Variants in RNF43 observed in about 807,000 individuals in gnomAD.
The protein encoded by RNF43 is ring finger protein 43, also known as E3 ubiquitin-protein ligase RNF43.
Under a neutral mutation model 78.4 loss-of-function variants are expected in RNF43, and 37 were observed. The observed-to-expected ratio is 0.47, with a 90% CI of 0.36 to 0.62. The LOEUF (loss-of-function observed/expected upper bound fraction) is 0.62. Ranked by LOEUF, RNF43 falls within the 20% of genes least tolerant of loss-of-function variation. The pLI is 0.00. For missense variants in RNF43, 774 were observed against 1,007.9 expected (o/e 0.77, Z 3.14); for synonymous variants, 347 against 395.0 (o/e 0.88, Z 1.44).
chr17:58,360,737 A>G lies in RNF43; in HGVS notation c.849+46T>C, dbSNP rs199830498. On this transcript the variant is annotated intron_variant, in intron 7 of 9. Coordinates refer to ENST00000407977, the MANE Select transcript of RNF43 (RefSeq NM_017763.6). This position sits in a 1 kb window ranked among gnomAD's most constrained non-coding sequence, Gnocchi z 4.3. ...CCTGCCCACCCCTCCCCCAGCTTCA[A>G]TCTCCCCAGTCTGGTCATGGAGGTG... 57 of 1,553,960 alleles carry G rather than the reference A, an allele frequency of 3.7e-5. No individual in the cohort carries two copies. The highest frequency in any genetic ancestry group is 3.2e-4 in the East Asian group (14 of 43,236).
rs528396528 is a variant in RNF43 at position 58,402,315 on chromosome 17, G to A, written c.252+13011C>T. On this transcript the variant is annotated intron_variant, in intron 2 of 9. Transcript: ENST00000407977. ...TGGTTGTGATGAAGGGATAGGAAGA[G>A]ATTGGAAATCTTCTAGAGCAAATGC... Among the ~76,000 whole-genome samples the A allele has an allele frequency of 2.3e-4, 35 of 152,350 alleles. 1 individual carries two copies. The South Asian group carries it at 6.2e-3, about 27-fold the overall frequency.
At chr17:58,401,253 T>A (rs1973793478) in intron 2 of RNF43, among the ~76,000 whole-genome samples, 1 of 152,238 alleles carries the variant, frequency 6.6e-6, no homozygotes, top group Non-Finnish European at 1.5e-5. Flanking sequence ...CTCCTCCATT[T>A]GATAAATTAA....
At chr17:58,364,593 C>T (rs1972909612) in intron 3 of RNF43, among the ~76,000 whole-genome samples, 2 of 152,184 alleles carry the variant, frequency 1.3e-5, no homozygotes, top group Admixed American at 1.3e-4. Context: ...CCTGGGGCCT[C>T]CCGGCCTAGC....
Position 58,360,177 on chromosome 17 carries a change from A to G in RNF43, c.924T>C (p.Thr308=), listed in dbSNP as rs2143438965. Residue 308 remains threonine, a synonymous_variant, in exon 8 of 10, where the codon ACT becomes ACC. Coordinates refer to ENST00000407977, the MANE Select transcript of RNF43 (RefSeq NM_017763.6). This position sits in a 1 kb window ranked among gnomAD's most constrained non-coding sequence, Gnocchi z 4.3. ...CVDPWLHQHR[T]CPLCMFNITE... ...TGATGTTGAACATGCAGAGGGGGCA[A>G]GTCCGATGCTGATGTAACCAGGGGT... 1 of 1,613,936 alleles carries G rather than the reference A, an allele frequency of 6.2e-7. No homozygotes were observed. The highest frequency in any genetic ancestry group is 8.5e-7 in the Non-Finnish European group (1 of 1,179,896).
In RNF43 at chr17:58,415,479, T is replaced by C; in HGVS notation, c.99A>G (p.Ala33=). 6.2e-7 allele frequency: 1 copy of C among 1,613,966 alleles called. No homozygotes were observed. Among genetic ancestry groups the C allele is most frequent in the East Asian group, 2.2e-5 (1 of 44,890 alleles). Residue 33 remains alanine (A), a synonymous_variant, in exon 2 of 10, where the codon GCA becomes GCG. Transcript: ENST00000407977. ...AGFGRTGLVL[A]AAVESERSAE... is the part of the protein sequence containing the mutation. ...CTGATCTTTCAGACTCCACCGCTGC[T>C]GCCAGTACCAGTCCTGTGCGTCCAA...
rs1972879108 is a variant in RNF43, at chr17:58,363,287, C to G, written c.570G>C (p.Glu190Asp). The change falls in exon 5 of 10, where the codon GAG (glutamate) becomes GAC (aspartate). Residue 190 changes from glutamate (E) to aspartate (D), a missense_variant. Glu to Asp is a conservative substitution (Grantham distance 45). Transcript: ENST00000407977. ...CTAGTGTGCTTACCCAGGCCGGGGG[C>G]TCCTTCAGCTCAATCCTCACATGGG... ...QKAHVRIELKEPPAWPDYDVW... is the reference protein window; with the variant it reads ...QKAHVRIELKDPPAWPDYDVW... 1.9e-6 allele frequency: 3 copies of G among 1,613,704 alleles called. No individual in the cohort carries two copies. The African/African-American group carries it at 4.0e-5, about 22-fold the overall frequency.
At chr17:58,378,014 A>G (rs1399971846) in intron 2 of RNF43, among the ~76,000 whole-genome samples, 1 of 152,124 alleles carries the variant, frequency 6.6e-6, no homozygotes, top group Admixed American at 6.5e-5. Context: ...GGATCCCGGC[A>G]CCAGAATAGG....
intron 2 of RNF43, among the ~76,000 whole-genome samples, chr17:58,408,966 G>T (rs1730090661): frequency 6.6e-6 from 1 of 152,060 alleles, no homozygotes; most frequent in Non-Finnish European, 1.5e-5. Context: ...CTACAAAACT[G>T]AAACATTACA....
intron 3 of RNF43, 97 bp downstream of exon 3, chr17:58,370,814 A>T: frequency 7.6e-7 from 1 of 1,315,354 alleles, no homozygotes; most frequent in Non-Finnish European, 1.0e-6. Flanking sequence ...CAGGTACATC[A>T]CTCTTAGGAA....
intron 3 of RNF43, 66 bp from the exon 4 acceptor site, chr17:58,363,666 C>G (rs990836027): frequency 7.6e-7 from 1 of 1,315,774 alleles, no homozygotes; most frequent in Non-Finnish European, 1.1e-6. Context: ...CACAGGCTAG[C>G]CTCACCCCTC....
At chr17:58,390,502 G>A (rs1202235575) in intron 2 of RNF43, among the ~76,000 whole-genome samples, 1 of 152,210 alleles carries the variant, frequency 6.6e-6, no homozygotes. Context: ...GTGAGTGTAG[G>A]ATTTTATTTC....
chr17:58,371,891 C>T (rs1186163060), intron 2 of RNF43, among the ~76,000 whole-genome samples: 1 of 152,232 alleles, frequency 6.6e-6, no homozygotes, highest in Non-Finnish European at 1.5e-5. Flanking sequence ...GACCACCTTA[C>T]TCTCTCTTCT....
chr17:58,364,085 G>T (rs1179983080), intron 3 of RNF43, among the ~76,000 whole-genome samples: 1 of 152,216 alleles, frequency 6.6e-6, no homozygotes, highest in Non-Finnish European at 1.5e-5. Flanking sequence ...AGTCCTGCCT[G>T]CAGGGCATCT....
chr17:58,414,171 T>C (rs541552364), intron 2 of RNF43, among the ~76,000 whole-genome samples: 21 of 152,334 alleles, frequency 1.4e-4, no homozygotes, highest in Admixed American at 5.2e-4. Context: ...TATCCCAGCT[T>C]CAAAATATTG....
chr17:58,377,007 G>A (rs1040890324), intron 2 of RNF43, among the ~76,000 whole-genome samples: 2 of 151,934 alleles, frequency 1.3e-5, no homozygotes, highest in Non-Finnish European at 2.9e-5. Context: ...GGTGTGTGTT[G>A]TATTTCATAT....
At chr17:58,396,969 C>T (rs527317499) in intron 2 of RNF43, among the ~76,000 whole-genome samples, 24 of 151,810 alleles carry the variant, frequency 1.6e-4, no homozygotes, top group Admixed American at 1.0e-3. Context: ...TGTTGAGTTC[C>T]TTTGGTTCTG....
intron 2 of RNF43, among the ~76,000 whole-genome samples, chr17:58,382,513 G>A (rs1457743585): frequency 6.6e-6 from 1 of 152,162 alleles, no homozygotes; most frequent in African/African-American, 2.4e-5. Flanking sequence ...ACAAGGCAGA[G>A]TTCTCTTCTT....
chr17:58,406,556 A>C (rs1973913645), intron 2 of RNF43, among the ~76,000 whole-genome samples: 1 of 152,220 alleles, frequency 6.6e-6, no homozygotes, highest in Admixed American at 6.5e-5. Context: ...TATAGAGCCA[A>C]TACAGTCCTT....
rs2143441420 is a variant in RNF43 at position 58,360,307 on chromosome 17, G to A, written c.850-56C>T. 1 of 1,366,252 alleles carries A rather than the reference G, an allele frequency of 7.3e-7. No homozygotes were observed. The highest frequency in any genetic ancestry group is 1.0e-6 in the Non-Finnish European group (1 of 955,282). The allele number at this position is 1,366,252 out of a possible 1,614,324, so 84.6% of individuals were successfully genotyped here. A position where few individuals can be genotyped will look rare whatever the true frequency, so the allele number is the denominator to read the frequency against. ...GCTTCTGTAGCCATAGGAATTGCCAGGAATCAGGACATCCCCCAACTCCCT... is the reference window on the plus strand; with the variant it reads ...GCTTCTGTAGCCATAGGAATTGCCAAGAATCAGGACATCCCCCAACTCCCT... On this transcript the variant is annotated intron_variant, in intron 7 of 9. Transcript: ENST00000407977. The surrounding 1 kb of genome is among the most constrained non-coding windows in gnomAD (Gnocchi z 4.3).
Sources: gnomAD v4.1 joint callset for allele counts (sites outside exome capture counted in the v4.1 genomes callset) on GRCh38, gnomAD v4.1.1 for gene constraint, Gnocchi (gnomAD v3.1) non-coding constraint, MANE v1.5 for transcripts, NCBI Gene and HGNC (gene_info 2026-07-23, HGNC 2026-07-21) for gene names.